Variants in ARSG observed in about 807,000 individuals in gnomAD.
The protein encoded by ARSG is arylsulfatase G.
A neutral mutation model predicts 50.5 loss-of-function variants in ARSG; 37 were observed. The ratio of observed to expected loss-of-function variants is 0.73; its 90% CI spans 0.56 to 0.96. ARSG has a LOEUF of 0.96. ARSG is among the 50% of genes least tolerant of loss of function. The probability of loss-of-function intolerance (pLI) is 0.00; values close to 1 mark genes in which losing one functional copy is unlikely to be tolerated. For synonymous variants in ARSG, 225 were observed against 254.6 expected, an observed-to-expected ratio of 0.88 and a Z score of 1.11; for missense variants, 629 against 675.3, an observed-to-expected ratio of 0.93 and a Z score of 0.76.
chr17:68,421,875 A>T (rs2082801163), downstream of ARSG: 1 of 1,610,660 alleles, frequency 6.2e-7, no homozygotes, highest in Admixed American at 1.7e-5. Flanking sequence ...GCTGGTAGGC[A>T]GGTGCATTAT....
rs1555767494 is a variant in ARSG, at chr17:68,313,666, C to CGT, written c.218+5956_218+5957dup. On this transcript the variant is annotated intron_variant, in intron 2 of 11. Coordinates refer to ENST00000621439, the MANE Select transcript of ARSG (RefSeq NM_001267727.2). Reference sequence around the variant, plus strand: ...CAGTCTGGTGCAATTAGCTGTATTACGTATCTCTCTCTCTCTCTTTTTTTT... The same window carrying CGT: ...CAGTCTGGTGCAATTAGCTGTATTACGTGTATCTCTCTCTCTCTCTTTTTTTT... 7.0e-3 allele frequency among the ~76,000 whole-genome samples: 1,034 copies of CGT among 147,130 alleles called. 9 individuals carry two copies. The highest frequency in any genetic ancestry group is 9.8e-3 in the Non-Finnish European group (658 of 67,270).
At chr17:68,340,157 C>T (rs760728039) in intron 2 of ARSG, among the ~76,000 whole-genome samples, 13 of 152,054 alleles carry the variant, frequency 8.5e-5, no homozygotes, top group South Asian at 6.2e-4. Flanking sequence ...TGTTTAATTA[C>T]GAATTTTTAG....
chr17:68,442,384 G>T, the ARSG span, among the ~76,000 whole-genome samples: 1 of 150,266 alleles, frequency 6.7e-6, no homozygotes, highest in Admixed American at 6.7e-5. Flanking sequence ...AGAATCACTT[G>T]AATCCGGGAG....
chr17:68,400,740 C>G (rs1030311168), intron 10 of ARSG, among the ~76,000 whole-genome samples: 5 of 152,194 alleles, frequency 3.3e-5, no homozygotes, highest in Non-Finnish European at 5.9e-5. Flanking sequence ...AACAAGGTAT[C>G]CCTGATTTGC....
intron 2 of ARSG, among the ~76,000 whole-genome samples, chr17:68,329,706 C>G (rs1032857788): frequency 2.0e-5 from 3 of 152,160 alleles, no homozygotes; most frequent in Admixed American, 6.5e-5. Context: ...CAGCCAGGGA[C>G]TAATCGCAGG....
chr17:68,450,424 G>A, the ARSG span, among the ~76,000 whole-genome samples: 2 of 152,300 alleles, frequency 1.3e-5, no homozygotes, highest in Admixed American at 1.3e-4. Flanking sequence ...TCATGGGACT[G>A]TCCAAGCCAG....
At chr17:68,374,170 A>AAAAC (rs554138050) in intron 8 of ARSG, among the ~76,000 whole-genome samples, 4 of 144,290 alleles carry the variant, frequency 2.8e-5, no homozygotes, top group Non-Finnish European at 4.5e-5. Context: ...AAAAAAAAAA[A>AAAAC]AAAAAGAAAC....
intron 3 of ARSG, among the ~76,000 whole-genome samples, chr17:68,345,825 C>T (rs887115351): frequency 6.6e-6 from 1 of 152,054 alleles, no homozygotes; most frequent in Admixed American, 6.6e-5. Context: ...GTCATGTTCT[C>T]ATGTAATGTT....
At chr17:68,451,809 G>A in the ARSG span, among the ~76,000 whole-genome samples, 1 of 152,144 alleles carries the variant, frequency 6.6e-6, no homozygotes, top group African/African-American at 2.4e-5. Context: ...AAGTACTTCT[G>A]TACTCAGGAA....
chr17:68,356,250 A>G (rs1323298597), intron 5 of ARSG, among the ~76,000 whole-genome samples: 3 of 152,170 alleles, frequency 2.0e-5, no homozygotes, highest in Admixed American at 6.5e-5. Flanking sequence ...ACTTCGGAAA[A>G]CGCTGAGTTG....
At chr17:68,370,050 C>T (rs1054315455) in intron 7 of ARSG, among the ~76,000 whole-genome samples, 10 of 151,964 alleles carry the variant, frequency 6.6e-5, no homozygotes, top group African/African-American at 2.2e-4. Context: ...AGTCTTGCTC[C>T]GTCACCCAGG....
rs1359806826 is a variant in ARSG at position 68,397,660 on chromosome 17, ATACT to A, written c.1212+2471_1212+2474del. ...TACACACACACACAATATTCTATAC[ATACT>A]TACATGTATGCATATGTGTGCATAC... On this transcript the variant is annotated intron_variant, in intron 10 of 11. Coordinates refer to ENST00000621439, the MANE Select transcript of ARSG (RefSeq NM_001267727.2). 8.5e-5 allele frequency among the ~76,000 whole-genome samples: 13 copies of A among 152,356 alleles called. No homozygotes were observed. The East Asian group carries it at 9.6e-4, about 11-fold the overall frequency.
At chr17:68,435,649 C>G in the ARSG span, 3 of 1,614,112 alleles carry the variant, frequency 1.9e-6, no homozygotes, top group African/African-American at 1.3e-5. Flanking sequence ...AGTTTGGAGC[C>G]TGAGGCATTG....
Position 68,420,464 on chromosome 17 carries a change from CA to C in ARSG, c.*2del. On this transcript the variant is annotated 3_prime_UTR_variant, in exon 12 of 12. Coordinates refer to ENST00000621439, the MANE Select transcript of ARSG (RefSeq NM_001267727.2). ...TGCCTGCCGCTGTCAAGCCGCATAA[CA>C]GACCAATTTTTATTCCACGAGGAGG... is the stretch of plus-strand genomic sequence containing the variant. 6.2e-7 allele frequency: 1 copy of C among 1,607,046 alleles called. No individual in the cohort carries two copies.
chr17:68,326,566 G>A (rs1356307365), intron 2 of ARSG, among the ~76,000 whole-genome samples: 1 of 152,222 alleles, frequency 6.6e-6, no homozygotes, highest in Non-Finnish European at 1.5e-5. Context: ...TTGGGAGGCT[G>A]AGGCAGAAGA....
chr17:68,425,067 G>T (rs1350432486), downstream of ARSG, among the ~76,000 whole-genome samples: 1 of 152,198 alleles, frequency 6.6e-6, no homozygotes, highest in African/African-American at 2.4e-5. Flanking sequence ...GGTGATGGAA[G>T]AAGCCACGCC....
At chr17:68,269,103 G>A (rs781942737) in intron 1 of ARSG, 8 of 1,521,688 alleles carry the variant, frequency 5.3e-6, no homozygotes, top group Non-Finnish European at 6.1e-6. Context: ...GTGTCATACC[G>A]GCTCCATTTG....
intron 2 of ARSG, among the ~76,000 whole-genome samples, chr17:68,331,177 G>GTTTCTTTCTTTCTTTCTTTCTTTCTTTC (rs71142163): frequency 3.4e-5 from 4 of 118,930 alleles, no homozygotes; most frequent in East Asian, 2.7e-4. Context: ...CAAAGACAGG[G>GTTTCTTTCTTTCTTTCTTTCTTTCTTTC]TTTCTTTCTT....
chr17:68,437,497 T>C, the ARSG span, among the ~76,000 whole-genome samples: 12 of 150,580 alleles, frequency 8.0e-5, no homozygotes, highest in Non-Finnish European at 1.3e-4. Flanking sequence ...GAGGCTGCAG[T>C]GAGTGAAGAT....
Sources: allele counts gnomAD v4.1 joint callset (sites outside exome capture counted in the v4.1 genomes callset), GRCh38; gene constraint gnomAD v4.1.1; transcripts MANE v1.5; gene names NCBI Gene and HGNC (gene_info 2026-07-23, HGNC 2026-07-21).